TMEM132C: variants seen among roughly 807,000 people sequenced by gnomAD.
TMEM132C encodes protein phosphatase 1, regulatory subunit 152.
Under a neutral mutation model 61.4 loss-of-function variants are expected in TMEM132C, and 29 were observed. That is an observed-to-expected ratio of 0.47 (90% CI 0.35 to 0.64). TMEM132C has a LOEUF of 0.64. TMEM132C is among the 30% of genes least tolerant of loss of function. The pLI, the probability that TMEM132C is intolerant of heterozygous loss-of-function variation, is 0.00. For missense variants in TMEM132C, 1,408 were observed against 1,476.9 expected, an observed-to-expected ratio of 0.95 and a Z score of 0.76; for synonymous variants, 656 against 633.1, an observed-to-expected ratio of 1.04 and a Z score of -0.54.
chr12:128,493,648 G>A (rs575560737), intron 2 of TMEM132C, among the ~76,000 whole-genome samples: 56 of 152,226 alleles, frequency 3.7e-4, no homozygotes, highest in African/African-American at 1.3e-3. Context: ...TTGGCTCTCT[G>A]TTTGTCTGTT....
chr12:128,446,315 G>A (rs1180304220), intron 2 of TMEM132C, among the ~76,000 whole-genome samples: 4 of 152,156 alleles, frequency 2.6e-5, no homozygotes, highest in African/African-American at 7.2e-5. Context: ...GGGCCATGAG[G>A]GATGCAGACA....
At chr12:128,660,065 G>T (rs1436528992) in intron 4 of TMEM132C, among the ~76,000 whole-genome samples, 1 of 152,226 alleles carries the variant, frequency 6.6e-6, no homozygotes, top group Non-Finnish European at 1.5e-5. Context: ...CCCTCCAAGG[G>T]TTCAGGGAGC....
At chr12:128,648,857 T>G (rs545514417) in intron 4 of TMEM132C, among the ~76,000 whole-genome samples, 11 of 150,516 alleles carry the variant, frequency 7.3e-5, no homozygotes, top group Non-Finnish European at 1.5e-4. Context: ...TCCATCAGCA[T>G]TGGATGAGTG....
intron 1 of TMEM132C, among the ~76,000 whole-genome samples, chr12:128,410,956 C>A (rs1188898894): frequency 6.6e-6 from 1 of 152,166 alleles, no homozygotes; most frequent in Non-Finnish European, 1.5e-5. Context: ...CTTCTTAATT[C>A]ATGACCTCAA....
At chr12:128,289,117 C>T (rs2135906669) in intron 1 of TMEM132C, 1 of 152,140 alleles carries the variant, frequency 6.6e-6, no homozygotes, top group South Asian at 2.1e-4. Flanking sequence ...TGCACAAATA[C>T]ATATGCTCGC....
At chr12:128,612,164 C>T (rs1369914518) in intron 3 of TMEM132C, among the ~76,000 whole-genome samples, 1 of 152,164 alleles carries the variant, frequency 6.6e-6, no homozygotes, top group East Asian at 1.9e-4. Flanking sequence ...ATTTCTCTGT[C>T]GGGTCAGTCT....
At chr12:128,380,983 C>T (rs538674722) in intron 1 of TMEM132C, among the ~76,000 whole-genome samples, 14 of 152,260 alleles carry the variant, frequency 9.2e-5, no homozygotes, top group Non-Finnish European at 1.3e-4. Flanking sequence ...AGCACAGTGC[C>T]GCCTTCTTGC....
At chr12:128,480,285 A>C (rs1046293967) in intron 2 of TMEM132C, among the ~76,000 whole-genome samples, 2 of 152,202 alleles carry the variant, frequency 1.3e-5, no homozygotes, top group African/African-American at 4.8e-5. Context: ...CCTTGAATTC[A>C]TGGACAGTCG....
chr12:128,548,306 C>T (rs1314872954), intron 3 of TMEM132C, among the ~76,000 whole-genome samples: 1 of 152,178 alleles, frequency 6.6e-6, no homozygotes, highest in Non-Finnish European at 1.5e-5. Context: ...ATGAACTGGT[C>T]GTCCCTGAAT....
At chr12:128,664,439 C>G (rs11059814) in intron 4 of TMEM132C, among the ~76,000 whole-genome samples, 39,911 of 152,060 alleles carry the variant, frequency 0.26, 6,711 homozygotes, top group African/African-American at 0.48. Flanking sequence ...CAAAACAGAA[C>G]AGTTCTCTGA....
chr12:128,574,793 C>G (rs1352026440), intron 3 of TMEM132C, among the ~76,000 whole-genome samples: 1 of 152,220 alleles, frequency 6.6e-6, no homozygotes, highest in Non-Finnish European at 1.5e-5. Flanking sequence ...CTTTGAGTTT[C>G]TTCACTGAAT....
rs142050839 is a variant in TMEM132C at position 128,392,346 on chromosome 12, C to T, written c.86-22386C>T. Among the ~76,000 whole-genome samples, 40 of 152,374 alleles carry T rather than the reference C, an allele frequency of 2.6e-4. No homozygotes were observed. The East Asian group carries it at 7.5e-3, about 29-fold the overall frequency. ...GCAAAAGCATATTCCTCCTTCTCAACTGCCTGCCTGGTTTGAAAGAGCTTA... is the reference window on the plus strand; with the variant it reads ...GCAAAAGCATATTCCTCCTTCTCAATTGCCTGCCTGGTTTGAAAGAGCTTA... On this transcript the variant is annotated intron_variant, in intron 1 of 8. Transcript: ENST00000435159.
At chr12:128,611,339 CTCT>C (rs1357560634) in intron 3 of TMEM132C, among the ~76,000 whole-genome samples, 2 of 152,130 alleles carry the variant, frequency 1.3e-5, no homozygotes, top group Non-Finnish European at 2.9e-5. Flanking sequence ...CTTCTCTCCT[CTCT>C]TCTTCATTTC....
intron 5 of TMEM132C, among the ~76,000 whole-genome samples, chr12:128,689,083 G>T (rs1954699901): frequency 6.6e-6 from 1 of 152,058 alleles, no homozygotes; most frequent in Admixed American, 6.5e-5. Flanking sequence ...CTCCCAAAGT[G>T]TTGGGATTAC....
At position 128,278,943 on chromosome 12, in the gene TMEM132C, G is replaced by A. The variant is rs753271457; in HGVS notation, c.85+11456G>A. Among the ~76,000 whole-genome samples, 6 of 152,246 alleles carry A rather than the reference G, an allele frequency of 3.9e-5. No individual in the cohort carries two copies. Among genetic ancestry groups the A allele is most frequent in the African/African-American group, 7.2e-5 (3 of 41,520 alleles). On this transcript the variant is annotated intron_variant, in intron 1 of 8. Transcript: ENST00000435159. The surrounding 1 kb of genome is among the most constrained non-coding windows in gnomAD (Gnocchi z 4.2). ...TTCTGCCAGTCGACAGCATTTGGAC[G>A]TGAACTGCAACATTAGGTCTTCCTT... is the stretch of plus-strand genomic sequence containing the variant.
chr12:128,614,733 C>T (rs953156107), intron 3 of TMEM132C, among the ~76,000 whole-genome samples: 1 of 152,178 alleles, frequency 6.6e-6, no homozygotes, highest in Non-Finnish European at 1.5e-5. Flanking sequence ...TAGTTGCAGA[C>T]AAAGAGTCCC....
In TMEM132C at chr12:128,415,279, T is replaced by C; in HGVS notation, c.633T>C (p.Gly211=). 3.1e-6 allele frequency: 5 copies of C among 1,597,662 alleles called. No individual in the cohort carries two copies. Among genetic ancestry groups the C allele is most frequent in the Non-Finnish European group, 4.3e-6 (5 of 1,172,252 alleles). The change falls in exon 2 of 9, where the codon GGT becomes GGC. Residue 211 remains glycine, a synonymous_variant. Transcript: ENST00000435159. The surrounding 1 kb of genome is among the most constrained non-coding windows in gnomAD (Gnocchi z 5.8). ...LSSWFSAPTV[G]AGRKKSMDQP... Reference sequence around the variant, plus strand: ...GCTGGTTCAGTGCCCCGACGGTGGGTGCCGGGAGGAAGAAGTCCATGGACC... The same window carrying C: ...GCTGGTTCAGTGCCCCGACGGTGGGCGCCGGGAGGAAGAAGTCCATGGACC...
intron 4 of TMEM132C, among the ~76,000 whole-genome samples, chr12:128,666,082 C>T (rs1209947842): frequency 6.9e-6 from 1 of 145,612 alleles, no homozygotes; most frequent in Admixed American, 6.8e-5. Context: ...CACACAGGCA[C>T]ACACACACAG....
At chr12:128,578,804 G>C (rs187060377) in intron 3 of TMEM132C, among the ~76,000 whole-genome samples, 1 of 152,082 alleles carries the variant, frequency 6.6e-6, no homozygotes, top group Non-Finnish European at 1.5e-5. Context: ...CGCCATGTTC[G>C]TCAGGCTGGT....
Sources: allele counts gnomAD v4.1 joint callset (sites outside exome capture counted in the v4.1 genomes callset), GRCh38; gene constraint gnomAD v4.1.1; non-coding constraint Gnocchi (gnomAD v3.1); transcripts MANE v1.5; gene names NCBI Gene and HGNC (gene_info 2026-07-23, HGNC 2026-07-21).